Variants in RCAN2 observed in about 807,000 individuals in gnomAD.
The protein encoded by RCAN2 is calcipressin-2.
In RCAN2, 9 loss-of-function variants were observed where a neutral mutation model predicts 23.6. The ratio of observed to expected loss-of-function variants is 0.38; its 90% CI spans 0.23 to 0.67. The LOEUF is 0.67. Among genes scored for constraint, RCAN2 ranks in the 30% least tolerant of loss-of-function variants. The pLI, the probability that RCAN2 is intolerant of heterozygous loss-of-function variation, is 0.51. For missense variants in RCAN2, 273 were observed against 302.3 expected, an observed-to-expected ratio of 0.90 and a Z score of 0.72; for synonymous variants, 109 against 115.7, an observed-to-expected ratio of 0.94 and a Z score of 0.37.
intron 2 of RCAN2, among the ~76,000 whole-genome samples, chr6:46,386,151 A>C (rs892043105): frequency 6.6e-6 from 1 of 152,160 alleles, no homozygotes; most frequent in Non-Finnish European, 1.5e-5. Context: ...CAGAATTTAC[A>C]AGGAACTTAA....
intron 2 of RCAN2, among the ~76,000 whole-genome samples, chr6:46,256,339 C>T (rs538713490): frequency 2.6e-5 from 4 of 151,702 alleles, no homozygotes; most frequent in Admixed American, 2.0e-4. Flanking sequence ...CACTGCACTC[C>T]AGCCTGGGTG....
intron 2 of RCAN2, among the ~76,000 whole-genome samples, chr6:46,407,419 C>T (rs1766433236): frequency 6.6e-6 from 1 of 152,192 alleles, no homozygotes; most frequent in African/African-American, 2.4e-5. Context: ...ATGATGTAAA[C>T]ATTTTTAAAA....
At chr6:46,224,183 G>A (rs896671028) in intron 4 of RCAN2, among the ~76,000 whole-genome samples, 4 of 152,090 alleles carry the variant, frequency 2.6e-5, no homozygotes, top group Non-Finnish European at 2.9e-5. Context: ...AAAGACAAGC[G>A]GAAGGACTCC....
chr6:46,407,670 G>A (rs1306068244), intron 2 of RCAN2, among the ~76,000 whole-genome samples: 4 of 152,128 alleles, frequency 2.6e-5, no homozygotes, highest in African/African-American at 9.7e-5. Context: ...GGCTAATTGT[G>A]CATCATTTTA....
chr6:46,248,873 C>A lies in RCAN2; in HGVS notation c.249G>T (p.Arg83=). 1 of 1,603,788 alleles carries A rather than the reference C, an allele frequency of 6.2e-7. No individual in the cohort carries two copies. The highest frequency in any genetic ancestry group is 1.1e-5 in the South Asian group (1 of 88,720). The stretch of plus-strand genomic sequence containing the variant: ...GGAACGTCACACAGTCATCATAAGT[C>A]CGAAACAGTCCCTCAAATTTTTCCT... The part of the protein sequence containing the change: ...ESKEKFEGLF[R]TYDDCVTFQL... Residue 83 remains arginine, a synonymous_variant, in exon 3 of 5, where the codon CGG becomes CGT. Coordinates refer to ENST00000371374, the MANE Select transcript of RCAN2 (RefSeq NM_001251974.2).
chr6:46,365,725 A>G (rs1765155269), intron 2 of RCAN2, among the ~76,000 whole-genome samples: 1 of 152,202 alleles, frequency 6.6e-6, no homozygotes, highest in Non-Finnish European at 1.5e-5. Context: ...AACATATTTG[A>G]TAATTCCTCA....
chr6:46,462,821 G>A (rs1418570581), intron 1 of RCAN2, among the ~76,000 whole-genome samples: 1 of 152,210 alleles, frequency 6.6e-6, no homozygotes, highest in African/African-American at 2.4e-5. Flanking sequence ...CAATGTGCAT[G>A]AGATTCACAT....
At chr6:46,243,361 C>T (rs1051363860) in intron 4 of RCAN2, among the ~76,000 whole-genome samples, 1 of 152,102 alleles carries the variant, frequency 6.6e-6, no homozygotes, top group Non-Finnish European at 1.5e-5. Context: ...GAAAATACAT[C>T]CAGATTGCAG....
intron 2 of RCAN2, among the ~76,000 whole-genome samples, chr6:46,294,036 G>T (rs999529170): frequency 6.6e-6 from 1 of 152,102 alleles, no homozygotes; most frequent in Non-Finnish European, 1.5e-5. Flanking sequence ...CGTGATGATT[G>T]GGGCACCGTG....
At chr6:46,267,823 T>C (rs1767389553) in intron 2 of RCAN2, among the ~76,000 whole-genome samples, 1 of 152,222 alleles carries the variant, frequency 6.6e-6, no homozygotes, top group South Asian at 2.1e-4. Context: ...TGTTTCTAGA[T>C]GTAAAATCTG....
chr6:46,250,577 T>C (rs886336733), intron 2 of RCAN2, among the ~76,000 whole-genome samples: 1 of 152,162 alleles, frequency 6.6e-6, no homozygotes, highest in Non-Finnish European at 1.5e-5. Flanking sequence ...GTCAGAACCC[T>C]GAGATCTGAA....
chr6:46,391,964 G>A (rs531155958), intron 2 of RCAN2, among the ~76,000 whole-genome samples: 25 of 152,256 alleles, frequency 1.6e-4, no homozygotes, highest in Admixed American at 5.2e-4. Context: ...TAAATAATAG[G>A]TCAAAATCAG....
intron 2 of RCAN2, among the ~76,000 whole-genome samples, chr6:46,328,841 C>T (rs1392417038): frequency 2.0e-5 from 3 of 152,188 alleles, no homozygotes; most frequent in African/African-American, 2.4e-5. Flanking sequence ...AATCTCTTGA[C>T]CTCATGATCC....
intron 2 of RCAN2, among the ~76,000 whole-genome samples, chr6:46,266,122 C>T (rs891520777): frequency 7.2e-5 from 11 of 152,162 alleles, no homozygotes; most frequent in African/African-American, 2.6e-4. Context: ...TCAGCAAGAC[C>T]CCCCAGATAA....
At chr6:46,396,105 T>C (rs1303108991) in intron 2 of RCAN2, among the ~76,000 whole-genome samples, 1 of 152,242 alleles carries the variant, frequency 6.6e-6, no homozygotes, top group Non-Finnish European at 1.5e-5. Flanking sequence ...TTGCAGTTAA[T>C]TTCTTTCATG....
At chr6:46,469,484 A>G (rs4714937) in intron 1 of RCAN2, among the ~76,000 whole-genome samples, 117,391 of 151,998 alleles carry the variant, frequency 0.77, 45,643 homozygotes, top group Non-Finnish European at 0.83. Flanking sequence ...AAGATTTCTG[A>G]GGAAAACCTA....
chr6:46,331,029 C>G (rs1407063935), intron 2 of RCAN2, among the ~76,000 whole-genome samples: 1 of 152,104 alleles, frequency 6.6e-6, no homozygotes, highest in African/African-American at 2.4e-5. Flanking sequence ...TGCCTAGGTG[C>G]GTTCATTTAT....
chr6:46,426,249 T>C (rs1189845434), intron 2 of RCAN2, among the ~76,000 whole-genome samples: 1 of 152,214 alleles, frequency 6.6e-6, no homozygotes, highest in Non-Finnish European at 1.5e-5. Context: ...CCACAGAAAT[T>C]TAATTATTCT....
At chr6:46,337,627 T>C (rs1202927515) in intron 2 of RCAN2, among the ~76,000 whole-genome samples, 4 of 152,230 alleles carry the variant, frequency 2.6e-5, no homozygotes, top group Non-Finnish European at 5.9e-5. Context: ...TCCACCCCAC[T>C]CACCTTTCAT....
Sources: gnomAD v4.1 joint callset for allele counts (sites outside exome capture counted in the v4.1 genomes callset) on GRCh38, gnomAD v4.1.1 for gene constraint, MANE v1.5 for transcripts, NCBI Gene and HGNC (gene_info 2026-07-23, HGNC 2026-07-21) for gene names.